Variants in ARFGEF3 observed in about 807,000 individuals in gnomAD.
ARFGEF3 encodes ARFGEF family member 3.
A neutral mutation model predicts 221.7 loss-of-function variants in ARFGEF3; 96 were observed. The observed-to-expected ratio is 0.43, with a 90% CI of 0.37 to 0.51. The LOEUF is 0.51. ARFGEF3 is among the 20% of genes least tolerant of loss of function. The pLI is 0.00. For synonymous variants in ARFGEF3, 1,145 were observed against 1,126.8 expected, an observed-to-expected ratio of 1.02 and a Z score of -0.32; for missense variants, 2,410 against 2,789.9, an observed-to-expected ratio of 0.86 and a Z score of 3.07.
In ARFGEF3 at chr6:138,203,877, G is replaced by A. The variant is rs368450517; in HGVS notation, c.138-3165G>A. On this transcript the variant is annotated intron_variant, in intron 2 of 33. Transcript: ENST00000251691. ...AGGATGGTCTCTATTGCTTGACTTC[G>A]TGATCCGCCCTCCTTGGACTCCCAA... 5.3e-5 allele frequency among the ~76,000 whole-genome samples: 8 copies of A among 151,888 alleles called. No homozygotes were observed. In the East Asian group the frequency reaches 7.8e-4, roughly 15 times the overall value.
intron 12 of ARFGEF3, among the ~76,000 whole-genome samples, chr6:138,269,732 A>T (rs1236315460): frequency 1.3e-5 from 2 of 152,104 alleles, no homozygotes; most frequent in Non-Finnish European, 2.9e-5. Flanking sequence ...GCTTGAACCC[A>T]GGAGGCGGAG....
chr6:138,283,485 A>C lies in ARFGEF3; in HGVS notation c.2462-2461A>C, dbSNP rs147231815. Among the ~76,000 whole-genome samples the C allele has an allele frequency of 8.0e-4, 122 of 152,366 alleles. 3 individuals carry two copies. The East Asian group carries it at 0.021, about 26-fold the overall frequency. On this transcript the variant is annotated intron_variant, in intron 14 of 33. Transcript: ENST00000251691. ...GGGCTTTTCATAAGAATTCAACAAA[A>C]TAAGGATCTATGATTCTTTGTGATT...
At position 138,291,002 on chromosome 6, in the gene ARFGEF3, G is replaced by A. The variant is rs538876261; in HGVS notation, c.3048-731G>A. 4.9e-4 allele frequency among the ~76,000 whole-genome samples: 75 copies of A among 152,286 alleles called. 1 individual carries two copies. Among genetic ancestry groups the A allele is most frequent in the African/African-American group, 1.7e-3 (71 of 41,562 alleles). On this transcript the variant is annotated intron_variant, in intron 18 of 33. Coordinates refer to ENST00000251691, the MANE Select transcript of ARFGEF3 (RefSeq NM_020340.5). The surrounding 1 kb of genome is among the most constrained non-coding windows in gnomAD (Gnocchi z 4.5). ...CGGGTAAGGGATTGAAAAATTCCTT[G>A]ATTCTAGAACATCAGAGTGGATTAT...
chr6:138,287,735 C>T (rs1251805006), intron 17 of ARFGEF3, among the ~76,000 whole-genome samples: 1 of 152,122 alleles, frequency 6.6e-6, no homozygotes, highest in Admixed American at 6.5e-5. Flanking sequence ...GAATGACCAT[C>T]CTGGTAGCAA....
chr6:138,314,164 G>C (rs1222995708), intron 26 of ARFGEF3, among the ~76,000 whole-genome samples: 1 of 152,184 alleles, frequency 6.6e-6, no homozygotes, highest in African/African-American at 2.4e-5. Context: ...CCCTCTTGCT[G>C]TATCATCCCA....
At chr6:138,199,658 T>C (rs1471886203) in intron 2 of ARFGEF3, among the ~76,000 whole-genome samples, 1 of 152,238 alleles carries the variant, frequency 6.6e-6, no homozygotes, top group African/African-American at 2.4e-5. Flanking sequence ...GATTGAGTTC[T>C]TGATTTGATT....
At chr6:138,163,778 A>G (rs758788392) in intron 1 of ARFGEF3, among the ~76,000 whole-genome samples, 8 of 152,176 alleles carry the variant, frequency 5.3e-5, no homozygotes, top group Non-Finnish European at 1.2e-4. Flanking sequence ...TTCCTTTCCC[A>G]GTGATTGTTC....
chr6:138,283,279 C>T (rs2114623708), intron 14 of ARFGEF3, among the ~76,000 whole-genome samples: 1 of 152,312 alleles, frequency 6.6e-6, no homozygotes, highest in Non-Finnish European at 1.5e-5. Context: ...CTCTGTGACT[C>T]TCTTGCCCGG....
At chr6:138,187,955 G>A (rs1777220345) in intron 2 of ARFGEF3, among the ~76,000 whole-genome samples, 1 of 152,174 alleles carries the variant, frequency 6.6e-6, no homozygotes, top group South Asian at 2.1e-4. Flanking sequence ...GTGTGGGGGG[G>A]TTTAATCTAG....
intron 2 of ARFGEF3, among the ~76,000 whole-genome samples, chr6:138,205,937 C>A (rs1338673932): frequency 6.6e-6 from 1 of 152,230 alleles, no homozygotes; most frequent in Non-Finnish European, 1.5e-5. Context: ...GCAGAGTGGA[C>A]AGGGAGAAAT....
intron 2 of ARFGEF3, among the ~76,000 whole-genome samples, chr6:138,203,180 A>G (rs1241034657): frequency 6.6e-6 from 1 of 151,468 alleles, no homozygotes; most frequent in African/African-American, 2.4e-5. Flanking sequence ...GTGTGTGTTT[A>G]AGAACTAAAA....
In ARFGEF3 at chr6:138,291,730, T is replaced by G; in HGVS notation, c.3048-3T>G. On this transcript the variant is annotated splice_polypyrimidine_tract_variant and splice_region_variant and intron_variant, in intron 18 of 33. Coordinates refer to ENST00000251691, the MANE Select transcript of ARFGEF3 (RefSeq NM_020340.5). The surrounding 1 kb of genome is among the most constrained non-coding windows in gnomAD (Gnocchi z 4.5). Reference sequence around the variant, plus strand: ...AACAGCTGCTTGTCTGTGCTCTTTCTAGGGTGTGTGAATACGTGGGCACCC... The same window carrying G: ...AACAGCTGCTTGTCTGTGCTCTTTCGAGGGTGTGTGAATACGTGGGCACCC... The G allele has an allele frequency of 7.3e-7, 1 of 1,375,234 alleles. No individual in the cohort carries two copies. The highest frequency in any genetic ancestry group is 1.9e-5 in the South Asian group (1 of 51,310). The allele number at this position is 1,375,234 out of a possible 1,614,324, so 85.2% of individuals were successfully genotyped here. A position where few individuals can be genotyped will look rare whatever the true frequency, so the allele number is the denominator to read the frequency against.
At chr6:138,301,886 T>C (rs1779635217) in intron 22 of ARFGEF3, among the ~76,000 whole-genome samples, 1 of 152,020 alleles carries the variant, frequency 6.6e-6, no homozygotes, top group Middle Eastern at 3.4e-3. Flanking sequence ...GGAGTCAGGC[T>C]AAAAAATAAA....
intron 12 of ARFGEF3, among the ~76,000 whole-genome samples, chr6:138,275,696 A>G (rs1044234196): frequency 7.9e-5 from 12 of 151,802 alleles, no homozygotes; most frequent in Admixed American, 3.9e-4. Flanking sequence ...GTGAGCCAAG[A>G]TCGCACCACT....
rs568248983 is a variant in ARFGEF3 at position 138,320,119 on chromosome 6, A to G, written c.4651+240A>G. Among the ~76,000 whole-genome samples, 3 of 152,354 alleles carry G rather than the reference A, an allele frequency of 2.0e-5. No individual in the cohort carries two copies. In the South Asian group the frequency reaches 6.2e-4, roughly 32 times the overall value. On this transcript the variant is annotated intron_variant, in intron 28 of 33. Transcript: ENST00000251691. ...AATGCTCAAAATATATGTGTGGTAGAAAATAAAATACCTAATAAGAGGTCT... is the reference window on the plus strand; with the variant it reads ...AATGCTCAAAATATATGTGTGGTAGGAAATAAAATACCTAATAAGAGGTCT...
At chr6:138,198,541 T>C (rs904206445) in intron 2 of ARFGEF3, among the ~76,000 whole-genome samples, 3 of 152,214 alleles carry the variant, frequency 2.0e-5, no homozygotes, top group African/African-American at 7.2e-5. Flanking sequence ...ACTGTTTAAA[T>C]GTAAAGGACC....
At chr6:138,206,905 A>G (rs1055939314) in intron 2 of ARFGEF3, 137 bp from the exon 3 acceptor site, 2 of 646,510 alleles carry the variant, frequency 3.1e-6, no homozygotes, top group African/African-American at 1.9e-5. Flanking sequence ...TCTTAAGCCC[A>G]TGTGCATTTT....
At chr6:138,297,532 C>G (rs1416297763) in intron 21 of ARFGEF3, among the ~76,000 whole-genome samples, 4 of 152,334 alleles carry the variant, frequency 2.6e-5, no homozygotes, top group Non-Finnish European at 5.9e-5. Flanking sequence ...AACTGTTGCC[C>G]TGCTTTGCAG....
At chr6:138,265,030 A>G (rs1015119713) in intron 12 of ARFGEF3, among the ~76,000 whole-genome samples, 39 of 151,590 alleles carry the variant, frequency 2.6e-4, no homozygotes, top group African/African-American at 8.7e-4. Context: ...CAGCCTCCCA[A>G]GTAGCTGGGA....
Sources: gnomAD v4.1 joint callset for allele counts (sites outside exome capture counted in the v4.1 genomes callset) on GRCh38, gnomAD v4.1.1 for gene constraint, Gnocchi (gnomAD v3.1) non-coding constraint, MANE v1.5 for transcripts, NCBI Gene and HGNC (gene_info 2026-07-23, HGNC 2026-07-21) for gene names.